Variants in CCNH observed in about 807,000 individuals in gnomAD.
The protein encoded by CCNH is cyclin H.
Under a neutral mutation model 41.9 loss-of-function variants are expected in CCNH, and 31 were observed. The ratio of observed to expected loss-of-function variants is 0.74; its 90% CI spans 0.56 to 1.00. CCNH has a LOEUF of 1.00. Among genes scored for constraint, CCNH ranks in the 50% least tolerant of loss-of-function variants. CCNH has a pLI of 0.00. For synonymous variants in CCNH, 138 were observed against 136.1 expected, an observed-to-expected ratio of 1.01 and a Z score of -0.10; for missense variants, 362 against 388.4, an observed-to-expected ratio of 0.93 and a Z score of 0.57.
chr5:87,341,199 G>A, intron 9 of CCNH: 1 of 652,042 alleles, frequency 1.5e-6, no homozygotes, highest in Non-Finnish European at 2.3e-6. Context: ...ATAGTGTGGG[G>A]ATATGTTTGC....
At chr5:87,358,201 C>T (rs1422010254) in intron 9 of CCNH, among the ~76,000 whole-genome samples, 1 of 152,172 alleles carries the variant, frequency 6.6e-6, no homozygotes, top group Non-Finnish European at 1.5e-5. Flanking sequence ...GCTTTGCTTA[C>T]TTCCTGGAAC....
At chr5:87,356,383 A>T (rs1047547989) in intron 9 of CCNH, among the ~76,000 whole-genome samples, 13 of 141,720 alleles carry the variant, frequency 9.2e-5, no homozygotes, top group South Asian at 2.2e-4. Context: ...GATGATTGTT[A>T]TTTTTTTTTT....
At chr5:87,383,827 C>A in intron 9 of CCNH, 5 of 1,412,222 alleles carry the variant, frequency 3.5e-6, no homozygotes, top group Non-Finnish European at 5.0e-6. Context: ...TTAGAATTAA[C>A]AGTTTCATAC....
intron 9 of CCNH, among the ~76,000 whole-genome samples, chr5:87,326,097 G>A (rs189170412): frequency 2.6e-4 from 40 of 152,044 alleles, no homozygotes; most frequent in Non-Finnish European, 5.0e-4. Flanking sequence ...TCAGCCTCTC[G>A]AGTAGCTGGG....
At chr5:87,373,068 G>A (rs1761065661), downstream of CCNH, among the ~76,000 whole-genome samples, 1 of 152,110 alleles carries the variant, frequency 6.6e-6, no homozygotes, top group Admixed American at 6.6e-5. Context: ...ATAAGAGCAA[G>A]TTGTATTTTG....
chr5:87,344,678 A>ATTTTT (rs113174684), intron 9 of CCNH, among the ~76,000 whole-genome samples: 1 of 131,208 alleles, frequency 7.6e-6, no homozygotes, highest in Non-Finnish European at 1.6e-5. Flanking sequence ...AAATGTTGTA[A>ATTTTT]TTTTTTTTTT....
chr5:87,388,159 C>T (rs1580414473), downstream of CCNH, among the ~76,000 whole-genome samples: 1 of 152,126 alleles, frequency 6.6e-6, no homozygotes, highest in South Asian at 2.1e-4. Context: ...ATTCTAAAGT[C>T]CTTTCTACTG....
In CCNH at chr5:87,363,341, T is replaced by A. The variant is rs1173346145; in HGVS notation, c.*90+29429A>T. 6.3e-6 allele frequency: 10 copies of A among 1,596,784 alleles called. No homozygotes were observed. Among genetic ancestry groups the A allele is most frequent in the Admixed American group, 3.3e-5 (2 of 59,754 alleles). Reference sequence around the variant, plus strand: ...GCTAAGAGAAAACAATTTTTTTTTTTAAACAGGCAAAGGAAAACGTTGGAA... The same window carrying A: ...GCTAAGAGAAAACAATTTTTTTTTTAAAACAGGCAAAGGAAAACGTTGGAA... On this transcript the variant is annotated intron_variant and NMD_transcript_variant, in intron 9 of 9. Coordinates refer to the CCNH transcript ENST00000645953.
At chr5:87,389,670 C>A, downstream of CCNH, 2 of 1,146,756 alleles carry the variant, frequency 1.7e-6, no homozygotes, top group Non-Finnish European at 2.5e-6. Context: ...AAGATCTCAG[C>A]AGACAGAAAT....
chr5:87,355,386 C>T lies in CCNH; in HGVS notation c.*91-36489G>A, dbSNP rs79305521. ...TCAGAATTATGCCAAATCTACTGTG[C>T]CTGTGCTCTGTCAATGGAACTACAA... On this transcript the variant is annotated intron_variant and NMD_transcript_variant, in intron 9 of 9. Coordinates refer to the CCNH transcript ENST00000645953. 4.6e-3 allele frequency among the ~76,000 whole-genome samples: 703 copies of T among 152,252 alleles called. 9 individuals carry two copies. The highest frequency in any genetic ancestry group is 0.015 in the African/African-American group (609 of 41,546).
At chr5:87,410,835 A>G (rs1764175842) in intron 2 of CCNH, among the ~76,000 whole-genome samples, 1 of 152,232 alleles carries the variant, frequency 6.6e-6, no homozygotes, top group South Asian at 2.1e-4. Flanking sequence ...CAGCTGGGGC[A>G]TATGATTACC....
intron 9 of CCNH, among the ~76,000 whole-genome samples, chr5:87,336,391 T>A (rs1262846415): frequency 6.6e-6 from 1 of 151,970 alleles, no homozygotes; most frequent in Non-Finnish European, 1.5e-5. Flanking sequence ...ATAGCTGATC[T>A]AGGAAGATGG....
At position 87,385,315 on chromosome 5, in the gene CCNH, A is replaced by G. The variant is rs140786299; in HGVS notation, c.*90+7455T>C. On this transcript the variant is annotated intron_variant and NMD_transcript_variant, in intron 9 of 9. Coordinates refer to the CCNH transcript ENST00000645953. ...TTCTGTTACAGATTCTCCATCTCCT[A>G]TTGCTGCAAGAACACTGATATTAGT... is the stretch of plus-strand genomic sequence containing the variant. 3.7e-5 allele frequency: 60 copies of G among 1,608,966 alleles called. 1 individual carries two copies. The highest frequency in any genetic ancestry group is 1.6e-4 in the Middle Eastern group (1 of 6,064).
intron 9 of CCNH, chr5:87,333,174 G>A (rs994131267): frequency 1.3e-6 from 2 of 1,524,336 alleles, no homozygotes; most frequent in Non-Finnish European, 1.8e-6. Flanking sequence ...AGTTTCTAAT[G>A]TGAATTTTTA....
intron 9 of CCNH, among the ~76,000 whole-genome samples, chr5:87,342,759 A>G (rs890712428): frequency 1.3e-5 from 2 of 152,198 alleles, no homozygotes; most frequent in African/African-American, 2.4e-5. Flanking sequence ...CTAGTTGTCT[A>G]GTTGATATGT....
chr5:87,334,957 C>T (rs551944403), intron 9 of CCNH, among the ~76,000 whole-genome samples: 2 of 152,156 alleles, frequency 1.3e-5, no homozygotes, highest in South Asian at 4.1e-4. Flanking sequence ...GATCTTGCCT[C>T]ACTGCAATCT....
downstream of CCNH, among the ~76,000 whole-genome samples, chr5:87,388,757 C>G (rs572070507): frequency 1.2e-4 from 18 of 152,280 alleles, no homozygotes; most frequent in Admixed American, 3.3e-4. Context: ...GCAGTTCCTA[C>G]TTATATGCAT....
chr5:87,390,249 T>C (rs1254191969), downstream of CCNH, among the ~76,000 whole-genome samples: 1 of 152,180 alleles, frequency 6.6e-6, no homozygotes, highest in Non-Finnish European at 1.5e-5. Flanking sequence ...TGAGAGGAAG[T>C]GACCACAGGG....
In CCNH at chr5:87,338,520, TATATATATATATAAA is replaced by T. The variant is rs1280552479; in HGVS notation, c.*91-19638_*91-19624del. ...CTAATTTTATATATATATATATATATATATATATATATAAAATTTTTTTTTTTTTTAAGTAGAAAT... is the reference window on the plus strand; with the variant it reads ...CTAATTTTATATATATATATATATATATTTTTTTTTTTTTTAAGTAGAAAT... On this transcript the variant is annotated intron_variant and NMD_transcript_variant, in intron 9 of 9. Transcript: ENST00000645953. 5.0e-5 allele frequency among the ~76,000 whole-genome samples: 5 copies of T among 100,880 alleles called. 1 individual carries two copies. The East Asian group carries it at 1.2e-3, about 25-fold the overall frequency. 66.2% of individuals were successfully genotyped at this position (100,880 alleles called of 152,430 possible).
Sources: gnomAD v4.1 joint callset for allele counts (sites outside exome capture counted in the v4.1 genomes callset) on GRCh38, gnomAD v4.1.1 for gene constraint, MANE v1.5 for transcripts, NCBI Gene and HGNC (gene_info 2026-07-23, HGNC 2026-07-21) for gene names.